The following ATAD2 variants were observed in gnomAD, a reference collection of about 807,000 sequenced individuals.
ATAD2 encodes the protein ATPase family AAA domain containing 2, also known as ATPase family AAA domain-containing protein 2.
In ATAD2, 62 loss-of-function variants were observed where a neutral mutation model predicts 168.9. The ratio of observed to expected loss-of-function variants is 0.37; its 90% CI spans 0.30 to 0.45. The LOEUF (loss-of-function observed/expected upper bound fraction) is 0.45, where lower values mean the gene tolerates loss of function less well. Ranked by LOEUF, ATAD2 falls within the 20% of genes least tolerant of loss-of-function variation. The probability of loss-of-function intolerance (pLI) is 1.00; values close to 1 mark genes in which losing one functional copy is unlikely to be tolerated. For missense variants in ATAD2, 1,419 were observed against 1,667.8 expected, an observed-to-expected ratio of 0.85 and a Z score of 2.60; for synonymous variants, 613 against 571.6, an observed-to-expected ratio of 1.07 and a Z score of -1.03.
At chr8:123,355,229 T>A (rs1828604281) in intron 13 of ATAD2, among the ~76,000 whole-genome samples, 1 of 152,162 alleles carries the variant, frequency 6.6e-6, no homozygotes, top group African/African-American at 2.4e-5. Flanking sequence ...GCAAATCTTG[T>A]TAGATGTTAG....
chr8:123,401,479 A>T (rs1207001513), intron 1 of ATAD2: 8 of 1,563,462 alleles, frequency 5.1e-6, no homozygotes, highest in Admixed American at 1.8e-5. Flanking sequence ...ATTGGGGGGA[A>T]CGTGGTGACA....
In ATAD2 at chr8:123,328,165, A is replaced by G. The variant is rs922422211; in HGVS notation, c.3868+25T>C. On this transcript the variant is annotated intron_variant, in intron 25 of 27. Transcript: ENST00000287394. ...TTGAAATATCTTTTAAAATCAGTAA[A>G]TTATTTTAATTGAAAAAGACGTACC... is the stretch of plus-strand genomic sequence containing the variant. The G allele has an allele frequency of 7.4e-6, 10 of 1,344,604 alleles. No homozygotes were observed. In the African/African-American group the frequency reaches 7.5e-5, roughly 10 times the overall value. 83.3% of individuals were successfully genotyped at this position (1,344,604 alleles called of 1,614,324 possible).
chr8:123,408,801 G>A (rs943846331), intron 1 of ATAD2, among the ~76,000 whole-genome samples: 1 of 151,678 alleles, frequency 6.6e-6, no homozygotes, highest in Non-Finnish European at 1.5e-5. Flanking sequence ...ACAGGCGTGA[G>A]CCACCGTGCC....
In ATAD2 at chr8:123,379,525, A is replaced by C. The variant is rs542414030; in HGVS notation, c.320+1004T>G. Among the ~76,000 whole-genome samples the C allele has an allele frequency of 2.6e-5, 4 of 151,870 alleles. No individual in the cohort carries two copies. In the East Asian group the frequency reaches 7.8e-4, roughly 30 times the overall value. The stretch of plus-strand genomic sequence containing the variant: ...TGTACTCATATGTATCACAGGTATC[A>C]TCTTTGAATAATAAAAGCATGAATG... On this transcript the variant is annotated intron_variant, in intron 2 of 27. Transcript: ENST00000287394.
Position 123,334,226 on chromosome 8 carries a change from T to G in ATAD2, c.3308A>C (p.Glu1103Ala). The stretch of plus-strand genomic sequence containing the variant: ...TCTTTTCTTTCTAGATTCCTGAATT[T>G]CTTCACAGAGCTGCTCAAAGTCTTC... Reference protein sequence around the residue: ...LDEDFEQLCEEIQESRKKRGC... With the variant: ...LDEDFEQLCEAIQESRKKRGC... Residue 1103 changes from glutamate (E) to alanine (A), a missense_variant, in exon 23 of 28, where the codon GAA (glutamate) becomes GCA (alanine). This residue lies in a region of ATAD2 where 545 missense variants were observed against 724.9 expected (regional missense o/e 0.75). Coordinates refer to ENST00000287394, the MANE Select transcript of ATAD2 (RefSeq NM_014109.4). 6.3e-7 allele frequency: 1 copy of G among 1,593,312 alleles called. No individual in the cohort carries two copies. The highest frequency in any genetic ancestry group is 8.5e-7 in the Non-Finnish European group (1 of 1,174,538).
At chr8:123,368,904 G>A (rs953506152) in intron 8 of ATAD2, among the ~76,000 whole-genome samples, 154 bp downstream of exon 8, 1 of 152,018 alleles carries the variant, frequency 6.6e-6, no homozygotes, top group Non-Finnish European at 1.5e-5. Flanking sequence ...AGTGGTACTG[G>A]GGATTAGACT....
At chr8:123,389,009 C>T in intron 1 of ATAD2, among the ~76,000 whole-genome samples, 1 of 151,094 alleles carries the variant, frequency 6.6e-6, no homozygotes, top group Non-Finnish European at 1.5e-5. Context: ...CCCTGTCGCC[C>T]ACGCTGAAGT....
chr8:123,408,091 T>A (rs536571329), intron 1 of ATAD2, among the ~76,000 whole-genome samples: 2 of 152,316 alleles, frequency 1.3e-5, no homozygotes, highest in African/African-American at 4.8e-5. Context: ...AAATGTGAGC[T>A]TACTTAAATT....
chr8:123,407,947 G>C (rs767852657), intron 1 of ATAD2, among the ~76,000 whole-genome samples: 4 of 152,318 alleles, frequency 2.6e-5, no homozygotes, highest in Non-Finnish European at 5.9e-5. Context: ...CAGAAACGAG[G>C]CTCAGGTAAG....
At chr8:123,349,658 C>T (rs1378305865) in intron 13 of ATAD2, among the ~76,000 whole-genome samples, 1 of 151,960 alleles carries the variant, frequency 6.6e-6, no homozygotes, top group African/African-American at 2.4e-5. Context: ...GGTTGTTAGA[C>T]CCCCCACAAA....
chr8:123,379,121 A>G (rs189564964), intron 2 of ATAD2, among the ~76,000 whole-genome samples: 137 of 152,136 alleles, frequency 9.0e-4, no homozygotes, highest in African/African-American at 3.2e-3. Context: ...CATCAAACAA[A>G]TTTTACCCTA....
At chr8:123,353,931 G>A (rs1172007748) in intron 13 of ATAD2, among the ~76,000 whole-genome samples, 1 of 152,086 alleles carries the variant, frequency 6.6e-6, no homozygotes, top group African/African-American at 2.4e-5. Flanking sequence ...TCAGGAGTTC[G>A]AGACCAGCCT....
upstream of ATAD2, among the ~76,000 whole-genome samples, chr8:123,397,911 C>A (rs1220876404): frequency 6.6e-6 from 1 of 152,000 alleles, no homozygotes; most frequent in Non-Finnish European, 1.5e-5. Flanking sequence ...AAGAGAGAGG[C>A]GGGAAGCAGG....
Position 123,370,069 on chromosome 8 carries a change from T to C in ATAD2, c.728-45A>G, listed in dbSNP as rs531764179. 24 of 1,560,364 alleles carry C rather than the reference T, an allele frequency of 1.5e-5. No homozygotes were observed. In the South Asian group the frequency reaches 1.8e-4, roughly 12 times the overall value. ...ACTTCCAGAAAGATACTCAGCAAAA[T>C]GTTAACAATTTTTAACATAGGTGAG... is the stretch of plus-strand genomic sequence containing the variant. On this transcript the variant is annotated intron_variant, in intron 6 of 27. Transcript: ENST00000287394.
At chr8:123,376,990 C>A in intron 2 of ATAD2, among the ~76,000 whole-genome samples, 1 of 149,168 alleles carries the variant, frequency 6.7e-6, no homozygotes, top group Non-Finnish European at 1.5e-5. Flanking sequence ...TACTCAGAGG[C>A]TGAGGCAGGA....
At chr8:123,400,405 C>T (rs114183887), upstream of ATAD2, among the ~76,000 whole-genome samples, 217 of 152,168 alleles carry the variant, frequency 1.4e-3, 1 homozygote, top group African/African-American at 4.6e-3. This position sits in a 1 kb window ranked among gnomAD's most constrained non-coding sequence, Gnocchi z 4.5. Flanking sequence ...TGTGGTGGTG[C>T]GGGCCTGTAG....
chr8:123,412,584 A>G (rs1280405452), intron 1 of ATAD2, among the ~76,000 whole-genome samples: 1 of 150,186 alleles, frequency 6.7e-6, no homozygotes, highest in Admixed American at 6.8e-5. Context: ...AGATACCACC[A>G]TGCCTGGCTA....
At chr8:123,353,166 C>A (rs577382704) in intron 13 of ATAD2, among the ~76,000 whole-genome samples, 16 of 152,194 alleles carry the variant, frequency 1.1e-4, no homozygotes, top group Admixed American at 1.0e-3. Context: ...GAGTTCAAGA[C>A]CAGCTTGGCC....
chr8:123,412,025 A>G (rs1355286901), intron 1 of ATAD2, among the ~76,000 whole-genome samples: 2 of 152,230 alleles, frequency 1.3e-5, no homozygotes, highest in Non-Finnish European at 2.9e-5. Context: ...AGTGATGTGC[A>G]TAACCTGCAG....
Sources: gnomAD v4.1 joint callset for allele counts (sites outside exome capture counted in the v4.1 genomes callset) on GRCh38, gnomAD v4.1.1 for gene constraint, gnomAD v4.1.1 regional missense constraint, Gnocchi (gnomAD v3.1) non-coding constraint, MANE v1.5 for transcripts, NCBI Gene and HGNC (gene_info 2026-07-23, HGNC 2026-07-21) for gene names.